Variants in KIZ observed in about 807,000 individuals in gnomAD.
KIZ encodes the protein kizuna centrosomal protein, also known as centrosomal protein kizuna.
A neutral mutation model predicts 79.6 loss-of-function variants in KIZ; 68 were observed. That is an observed-to-expected ratio of 0.85 (90% CI 0.70 to 1.05). The LOEUF is 1.05. Among genes scored for constraint, KIZ ranks in the 50% least tolerant of loss-of-function variants. The pLI, the probability that KIZ is intolerant of heterozygous loss-of-function variation, is 0.00. For missense variants in KIZ, 797 were observed against 800.4 expected (o/e 1.00, Z 0.05); for synonymous variants, 280 against 281.8 (o/e 0.99, Z 0.06).
chr20:21,133,598 A>G (rs920731294), intron 2 of KIZ, among the ~76,000 whole-genome samples: 1 of 152,206 alleles, frequency 6.6e-6, no homozygotes, highest in Admixed American at 6.5e-5. Context: ...GTTTCCTGGA[A>G]GACAGAGGAT....
chr20:21,143,343 G>GC (rs2032674651), intron 3 of KIZ, among the ~76,000 whole-genome samples: 1 of 152,138 alleles, frequency 6.6e-6, no homozygotes, highest in South Asian at 2.1e-4. Flanking sequence ...GAAATCTGTA[G>GC]CAAAAAAAGA....
intron 6 of KIZ, among the ~76,000 whole-genome samples, chr20:21,198,959 G>A (rs932200162): frequency 1.3e-5 from 2 of 152,200 alleles, no homozygotes; most frequent in Non-Finnish European, 2.9e-5. Context: ...GTGATTGTGT[G>A]TTAGAAGGCT....
At chr20:21,202,870 C>T (rs1361570727) in intron 6 of KIZ, among the ~76,000 whole-genome samples, 1 of 152,112 alleles carries the variant, frequency 6.6e-6, no homozygotes, top group African/African-American at 2.4e-5. Flanking sequence ...CATTCGAAGT[C>T]TCATATACCC....
intron 11 of KIZ, among the ~76,000 whole-genome samples, chr20:21,243,572 C>T (rs1199713896): frequency 1.3e-5 from 2 of 152,188 alleles, no homozygotes; most frequent in African/African-American, 2.4e-5. Context: ...TCGAGTGACA[C>T]TCCCTGAGGA....
Position 21,162,080 on chromosome 20 carries a change from C to G in KIZ, c.615C>G (p.Asp205Glu), listed in dbSNP as rs765382256. The change falls in exon 5 of 13, where the codon GAC (aspartate) becomes GAG (glutamate). Residue 205 changes from aspartate (D) to glutamate (E), a missense_variant. Physicochemically the swap from Asp to Glu is conservative, Grantham distance 45 (BLOSUM62 2). Transcript: ENST00000619189. Reference protein sequence around the residue: ...RQTAQSSNVTDSCVVQTSNDT... With the variant: ...RQTAQSSNVTESCVVQTSNDT... ...CAGCCCAGAGCAGTAATGTGACAGA[C>G]AGCTGTGTAGTACAAACTAGTAATG... 1.9e-6 allele frequency: 3 copies of G among 1,613,678 alleles called. No homozygotes were observed. Among genetic ancestry groups the G allele is most frequent in the Non-Finnish European group, 2.5e-6 (3 of 1,179,712 alleles).
intron 7 of KIZ, 119 bp downstream of exon 7, chr20:21,205,703 C>T (rs906655205): frequency 1.9e-6 from 1 of 533,138 alleles, no homozygotes. Context: ...TGGCTCACGC[C>T]TGTAATCCCA....
At position 21,214,603 on chromosome 20, in the gene KIZ, A is replaced by G; in HGVS notation, c.1515A>G (p.Glu505=). 6.2e-7 allele frequency: 1 copy of G among 1,613,162 alleles called. No homozygotes were observed. Among genetic ancestry groups the G allele is most frequent in the Non-Finnish European group, 8.5e-7 (1 of 1,179,198 alleles). ...CGRRSAIHSS[E]SSCSLPSILN... ...GTAGGTCAGCTATTCACAGTAGTGA[A>G]TCATCTTGCAGCTTGCCATCTATTC... Residue 505 remains glutamate, a synonymous_variant, in exon 8 of 13, where the codon GAA becomes GAG. Coordinates refer to ENST00000619189, the MANE Select transcript of KIZ (RefSeq NM_018474.6).
At chr20:21,126,261 C>A (rs1175023334) in intron 1 of KIZ, 57 bp downstream of exon 1, 2 of 1,182,336 alleles carry the variant, frequency 1.7e-6, no homozygotes, top group African/African-American at 1.6e-5. Context: ...CTTCCGCGTG[C>A]CCTGCCCCAT....
intron 1 of KIZ, among the ~76,000 whole-genome samples, chr20:21,130,420 A>G (rs969869923): frequency 2.6e-5 from 4 of 152,200 alleles, no homozygotes; most frequent in Non-Finnish European, 4.4e-5. Context: ...AGTTGCTCAC[A>G]CTATCCAGTC....
intron 8 of KIZ, 84 bp from the exon 9 acceptor site, chr20:21,215,496 AGTG>A: frequency 1.5e-6 from 1 of 658,680 alleles, no homozygotes; most frequent in Non-Finnish European, 2.5e-6. Context: ...AAAAAAAAAA[AGTG>A]AACATAAAGG....
intron 7 of KIZ, among the ~76,000 whole-genome samples, chr20:21,207,448 C>T (rs1022851134): frequency 1.5e-5 from 2 of 129,240 alleles, no homozygotes; most frequent in African/African-American, 3.0e-5. Context: ...TCATCTTCCT[C>T]CTTTCCCCCA....
chr20:21,149,696 C>T (rs1394749165), intron 4 of KIZ, among the ~76,000 whole-genome samples: 1 of 152,202 alleles, frequency 6.6e-6, no homozygotes, highest in Non-Finnish European at 1.5e-5. Flanking sequence ...CAGATGTGTT[C>T]CCAGGATCTG....
chr20:21,203,447 T>C (rs2035676251), intron 6 of KIZ, among the ~76,000 whole-genome samples: 1 of 152,212 alleles, frequency 6.6e-6, no homozygotes, highest in African/African-American at 2.4e-5. Flanking sequence ...TGTTACCCCA[T>C]GGTTAGTGAT....
At chr20:21,168,733 A>G (rs1811249739) in intron 6 of KIZ, among the ~76,000 whole-genome samples, 2 of 152,292 alleles carry the variant, frequency 1.3e-5, no homozygotes, top group South Asian at 4.1e-4. Flanking sequence ...ACCAAAACAG[A>G]GATATAGACC....
At chr20:21,184,836 G>A (rs1272072312) in intron 6 of KIZ, among the ~76,000 whole-genome samples, 1 of 152,164 alleles carries the variant, frequency 6.6e-6, no homozygotes, top group Non-Finnish European at 1.5e-5. Flanking sequence ...GAGGCCAGGA[G>A]ATTGAGACCA....
chr20:21,238,854 G>C (rs374428438), intron 11 of KIZ, among the ~76,000 whole-genome samples: 2 of 152,290 alleles, frequency 1.3e-5, no homozygotes, highest in Admixed American at 1.3e-4. Context: ...CAGTTTCCCT[G>C]TCTCTTCCCA....
intron 6 of KIZ, among the ~76,000 whole-genome samples, chr20:21,199,536 A>G (rs775554059): frequency 5.6e-4 from 85 of 152,294 alleles, no homozygotes; most frequent in Non-Finnish European, 1.0e-3. Flanking sequence ...AAAAAGTGCC[A>G]AGTGTTTGTG....
chr20:21,147,008 A>G (rs190138431), intron 4 of KIZ, among the ~76,000 whole-genome samples: 31 of 152,282 alleles, frequency 2.0e-4, no homozygotes, highest in East Asian at 1.9e-3. Flanking sequence ...CAGTTTTTCT[A>G]TTTGATATTC....
intron 11 of KIZ, among the ~76,000 whole-genome samples, chr20:21,243,271 G>A (rs527590498): frequency 2.2e-4 from 33 of 151,698 alleles, no homozygotes; most frequent in Non-Finnish European, 4.4e-5. Flanking sequence ...CTGAAAGGTA[G>A]CCTAGAAAAT....
Sources: allele counts gnomAD v4.1 joint callset (sites outside exome capture counted in the v4.1 genomes callset), GRCh38; gene constraint gnomAD v4.1.1; transcripts MANE v1.5; gene names NCBI Gene and HGNC (gene_info 2026-07-23, HGNC 2026-07-21).